Variants in AP3B1 observed in about 807,000 individuals in gnomAD.
AP3B1 encodes the protein adaptor related protein complex 3 subunit beta 1.
AP3B1 carries 61 observed loss-of-function variants against 132.5 expected under a neutral mutation model. The ratio of observed to expected loss-of-function variants is 0.46; its 90% confidence interval spans 0.37 to 0.57. The LOEUF (loss-of-function observed/expected upper bound fraction) is 0.57. Ranked by LOEUF, AP3B1 falls within the 20% of genes least tolerant of loss-of-function variation. AP3B1 has a pLI of 0.00. For missense variants in AP3B1, 1,120 were observed against 1,289.4 expected (o/e 0.87, Z 2.01); for synonymous variants, 388 against 438.3 (o/e 0.89, Z 1.43).
At chr5:78,035,979 G>T (rs942891147) in intron 23 of AP3B1, among the ~76,000 whole-genome samples, 1 of 152,050 alleles carries the variant, frequency 6.6e-6, no homozygotes, top group African/African-American at 2.4e-5. Context: ...CTATTTTGGG[G>T]TTTGGTCTTG....
intron 1 of AP3B1, among the ~76,000 whole-genome samples, chr5:78,292,384 T>C (rs1388271300): frequency 1.3e-5 from 2 of 152,238 alleles, no homozygotes; most frequent in African/African-American, 4.8e-5. Context: ...TTGGAGCTAC[T>C]ATTTAAAGTT....
chr5:78,084,532 AAAAAAAAAAAAAAAG>A (rs1406954817), intron 22 of AP3B1, among the ~76,000 whole-genome samples: 2 of 136,154 alleles, frequency 1.5e-5, no homozygotes, highest in South Asian at 2.3e-4. Flanking sequence ...AAAAAAAAAA[AAAAAAAAAAAAAAAG>A]AAAAGAAGAG....
intron 14 of AP3B1, 48 bp from the exon 15 acceptor site, chr5:78,141,367 C>G: frequency 6.9e-7 from 1 of 1,452,802 alleles, no homozygotes; most frequent in Non-Finnish European, 9.6e-7. Context: ...TAATCATACT[C>G]TAATATTAAC....
intron 22 of AP3B1, among the ~76,000 whole-genome samples, chr5:78,064,594 C>A (rs1166199381): frequency 6.6e-6 from 1 of 152,042 alleles, no homozygotes; most frequent in Non-Finnish European, 1.5e-5. Context: ...GTAAATGTTA[C>A]CTTAGAAAGA....
intron 7 of AP3B1, among the ~76,000 whole-genome samples, chr5:78,204,125 T>C (rs1745408676): frequency 1.3e-5 from 2 of 152,154 alleles, no homozygotes; most frequent in African/African-American, 2.4e-5. Flanking sequence ...GGAACAAATT[T>C]ATGGGTTTCT....
chr5:78,126,444 G>A (rs1366903605), intron 17 of AP3B1, among the ~76,000 whole-genome samples: 1 of 135,938 alleles, frequency 7.4e-6, no homozygotes, highest in Non-Finnish European at 1.5e-5. Flanking sequence ...GGCAGAGCTT[G>A]CAATGAGCCA....
At chr5:78,000,594 ACT>A (rs1348177341), downstream of AP3B1, 1 of 151,750 alleles carries the variant, frequency 6.6e-6, no homozygotes, top group Non-Finnish European at 1.5e-5. Flanking sequence ...GAATAAAAAA[ACT>A]CTCATAATAA....
intron 2 of AP3B1, among the ~76,000 whole-genome samples, chr5:78,262,257 T>TA (rs373453564): frequency 3.3e-5 from 5 of 152,224 alleles, no homozygotes; most frequent in Non-Finnish European, 5.9e-5. Flanking sequence ...ACTTTTTTTT[T>TA]ACTGTTCTTG....
intron 17 of AP3B1, among the ~76,000 whole-genome samples, chr5:78,118,919 C>T (rs1310262258): frequency 1.3e-5 from 2 of 152,306 alleles, no homozygotes; most frequent in African/African-American, 2.4e-5. Flanking sequence ...CTGGGAGGCA[C>T]CCCCCAGTAG....
chr5:78,044,940 T>C (rs568138798), intron 22 of AP3B1, among the ~76,000 whole-genome samples: 29 of 152,318 alleles, frequency 1.9e-4, no homozygotes, highest in Admixed American at 2.6e-4. Flanking sequence ...CTCTAATGAA[T>C]TCACCGTCTA....
intron 14 of AP3B1, among the ~76,000 whole-genome samples, chr5:78,155,513 C>G (rs758018872): frequency 3.3e-5 from 5 of 152,124 alleles, no homozygotes; most frequent in Non-Finnish European, 7.4e-5. Context: ...ATTTGGCCAT[C>G]TTGCTCCACT....
intron 17 of AP3B1, among the ~76,000 whole-genome samples, chr5:78,118,315 C>A (rs1024528314): frequency 1.3e-5 from 2 of 152,146 alleles, no homozygotes; most frequent in African/African-American, 4.8e-5. Context: ...AGGTTCATCT[C>A]ACTAGAGAGT....
intron 26 of AP3B1, among the ~76,000 whole-genome samples, chr5:78,013,777 T>C (rs181718002): frequency 1.4e-4 from 22 of 152,338 alleles, no homozygotes; most frequent in African/African-American, 5.3e-4. Flanking sequence ...ATAAATAAGT[T>C]GTATTTTTGT....
At chr5:78,276,028 C>T (rs1464666394) in intron 1 of AP3B1, among the ~76,000 whole-genome samples, 1 of 151,700 alleles carries the variant, frequency 6.6e-6, no homozygotes, top group Non-Finnish European at 1.5e-5. Context: ...GAAACCAATA[C>T]TTAAAAAATA....
intron 6 of AP3B1, among the ~76,000 whole-genome samples, chr5:78,220,465 G>T (rs1746131038): frequency 6.6e-6 from 1 of 151,538 alleles, no homozygotes; most frequent in African/African-American, 2.4e-5. Context: ...ACTTCACAAA[G>T]ACCTCCAACA....
At chr5:78,212,650 G>A (rs1745790379) in intron 7 of AP3B1, among the ~76,000 whole-genome samples, 1 of 152,138 alleles carries the variant, frequency 6.6e-6, no homozygotes, top group South Asian at 2.1e-4. Context: ...ACATTCAAGT[G>A]TTGATGGTAA....
chr5:78,011,355 A>G (rs538145718), intron 26 of AP3B1, among the ~76,000 whole-genome samples: 2 of 152,156 alleles, frequency 1.3e-5, no homozygotes, highest in Non-Finnish European at 2.9e-5. Flanking sequence ...CACTCTGTAT[A>G]TCTCAATAAG....
intron 2 of AP3B1, among the ~76,000 whole-genome samples, chr5:78,267,053 T>C (rs1355296402): frequency 1.3e-5 from 2 of 152,144 alleles, no homozygotes; most frequent in African/African-American, 2.4e-5. Context: ...TATTTAATAA[T>C]ATTTATTAGA....
chr5:78,189,569 C>T (rs1040364773), intron 7 of AP3B1, among the ~76,000 whole-genome samples: 35 of 151,938 alleles, frequency 2.3e-4, no homozygotes, highest in Non-Finnish European at 4.4e-4. Flanking sequence ...AATTTTTTTA[C>T]AGTTTTAAAA....
Sources: allele counts gnomAD v4.1 joint callset (sites outside exome capture counted in the v4.1 genomes callset), GRCh38; gene constraint gnomAD v4.1.1; transcripts MANE v1.5; gene names NCBI Gene and HGNC (gene_info 2026-07-23, HGNC 2026-07-21).